Variants in NRXN2 observed in about 807,000 individuals in gnomAD.
NRXN2 encodes neurexin-2-beta.
Under a neutral mutation model 128.8 loss-of-function variants are expected in NRXN2, and 29 were observed. That is an observed-to-expected ratio of 0.23 (90% CI 0.17 to 0.31). The LOEUF is 0.31. Ranked by LOEUF, NRXN2 falls within the 10% of genes least tolerant of loss-of-function variation. The pLI, the probability that NRXN2 is intolerant of heterozygous loss-of-function variation, is 1.00. For missense variants in NRXN2, 1,881 were observed against 2,452.6 expected, an observed-to-expected ratio of 0.77 and a Z score of 4.92; for synonymous variants, 1,098 against 1,075.2, an observed-to-expected ratio of 1.02 and a Z score of -0.41.
In NRXN2 at chr11:64,651,527, C is replaced by T; in HGVS notation, c.2646G>A (p.Leu882=). Reference sequence around the variant, plus strand: ...GCTGGCCATTGAACACGAGCCCACTCAGATGCCCGATGAAGTTGGAGGGCA... The same window carrying T: ...GCTGGCCATTGAACACGAGCCCACTTAGATGCCCGATGAAGTTGGAGGGCA... ...SVVPSNFIGH[L]SGLVFNGQPY... Residue 882 remains leucine, a synonymous_variant, in exon 14 of 23, where the codon CTG becomes CTA. Coordinates refer to ENST00000265459, the MANE Select transcript of NRXN2 (RefSeq NM_015080.4). The surrounding 1 kb of genome is among the most constrained non-coding windows in gnomAD (Gnocchi z 5.9). 1 of 1,614,166 alleles carries T rather than the reference C, an allele frequency of 6.2e-7. No individual in the cohort carries two copies. Among genetic ancestry groups the T allele is most frequent in the Non-Finnish European group, 8.5e-7 (1 of 1,180,018 alleles).
At chr11:64,668,335 G>A in intron 8 of NRXN2, 108 bp downstream of exon 8, 1 of 1,415,684 alleles carries the variant, frequency 7.1e-7, no homozygotes, top group Admixed American at 1.8e-5. Flanking sequence ...CCATGGACTT[G>A]GAAGGAACAG....
intron 3 of NRXN2, among the ~76,000 whole-genome samples, chr11:64,695,328 G>T (rs1240207136): frequency 1.3e-5 from 2 of 152,134 alleles, no homozygotes; most frequent in African/African-American, 4.8e-5. Flanking sequence ...GGGTCTCTTT[G>T]CCCTGCCACT....
At chr11:64,704,127 G>C (rs748969536) in intron 2 of NRXN2, among the ~76,000 whole-genome samples, 2 of 152,130 alleles carry the variant, frequency 1.3e-5, no homozygotes, top group Non-Finnish European at 2.9e-5. Flanking sequence ...CAGGACCACA[G>C]GTACTGGATG....
intron 11 of NRXN2, among the ~76,000 whole-genome samples, chr11:64,655,532 C>T (rs2048139727): frequency 6.6e-6 from 1 of 151,802 alleles, no homozygotes; most frequent in South Asian, 2.1e-4. Context: ...AGAGTCTTCA[C>T]CAATGAAGGG....
At chr11:64,661,990 C>T (rs1429831819) in intron 9 of NRXN2, among the ~76,000 whole-genome samples, 1 of 151,926 alleles carries the variant, frequency 6.6e-6, no homozygotes, top group Middle Eastern at 3.4e-3. Flanking sequence ...TGGTGGTTCA[C>T]GCCTGTAATC....
At chr11:64,642,555 G>A (rs1389983996) in intron 17 of NRXN2, 1 of 1,610,190 alleles carries the variant, frequency 6.2e-7, no homozygotes, top group African/African-American at 1.3e-5. Context: ...CGCCGCGGGT[G>A]AGGAAGGGCA....
rs1421828683 is a variant in NRXN2 at position 64,660,987 on chromosome 11, G to A, written c.1951C>T (p.Arg651Trp). The A allele has an allele frequency of 8.1e-6, 13 of 1,613,672 alleles. No individual in the cohort carries two copies. Among genetic ancestry groups the A allele is most frequent in the South Asian group, 2.2e-5 (2 of 91,094 alleles). The change falls in exon 10 of 23, where the codon CGG (arginine) becomes TGG (tryptophan). Residue 651 changes from arginine (R) to tryptophan (W), a missense_variant. This residue lies in a region of NRXN2 where 997 missense variants were observed against 1,240.8 expected (regional missense o/e 0.80). Coordinates refer to ENST00000265459, the MANE Select transcript of NRXN2 (RefSeq NM_015080.4). The surrounding 1 kb of genome is among the most constrained non-coding windows in gnomAD (Gnocchi z 5.2). ...CGCACACAGCCCACGTAGCCTGCCC[G>A]GAGTGCTGCTGTCCACACCTCTGGG... ...LPPEVWTAAL[R>W]AGYVGCVRDL...
At chr11:64,665,290 AAAG>A (rs1320975687) in intron 9 of NRXN2, among the ~76,000 whole-genome samples, 1 of 147,022 alleles carries the variant, frequency 6.8e-6, no homozygotes, top group African/African-American at 2.7e-5. Context: ...AAAAAAAAAA[AAAG>A]AAAGAAAGAA....
chr11:64,681,220 T>C (rs556128077), intron 6 of NRXN2, among the ~76,000 whole-genome samples: 45 of 151,564 alleles, frequency 3.0e-4, no homozygotes, highest in African/African-American at 1.0e-3. Flanking sequence ...CTTTTGGACA[T>C]GGGTCCTCGT....
chr11:64,665,347 AAAGACTG>A (rs2049691996), intron 9 of NRXN2, among the ~76,000 whole-genome samples: 2 of 152,150 alleles, frequency 1.3e-5, no homozygotes, highest in Admixed American at 6.5e-5. Flanking sequence ...ACAGGAATCC[AAAGACTG>A]GCCACACCTG....
intron 5 of NRXN2, 129 bp downstream of exon 5, chr11:64,690,276 A>T: frequency 1.2e-6 from 1 of 818,892 alleles, no homozygotes; most frequent in Non-Finnish European, 2.0e-6. Context: ...GAGCAGACCC[A>T]TCACTTCCCA....
intron 2 of NRXN2, chr11:64,712,757 A>G: frequency 1.5e-6 from 1 of 677,442 alleles, no homozygotes; most frequent in Non-Finnish European, 2.8e-6. Context: ...ACCACGCCCA[A>G]GCCGGCCCCG....
intron 9 of NRXN2, among the ~76,000 whole-genome samples, chr11:64,666,204 ATTT>A (rs35403625): frequency 5.1e-5 from 7 of 137,164 alleles, no homozygotes; most frequent in Non-Finnish European, 4.7e-5. Context: ...GAGTGAGTTA[ATTT>A]TTTTTTTTTT....
intron 22 of NRXN2, among the ~76,000 whole-genome samples, chr11:64,615,829 CGTGTGTGTGTGT>C (rs34781745): frequency 3.6e-5 from 5 of 139,010 alleles, no homozygotes; most frequent in East Asian, 2.5e-4. Flanking sequence ...TAGGCCCAAG[CGTGTGTGTGTGT>C]GTGTGTGTGT....
intron 2 of NRXN2, among the ~76,000 whole-genome samples, chr11:64,703,902 A>G (rs1171236099): frequency 6.6e-6 from 1 of 152,230 alleles, no homozygotes; most frequent in Non-Finnish European, 1.5e-5. Flanking sequence ...AGGACGTTGA[A>G]GAACAATGTG....
Position 64,607,078 on chromosome 11 carries a change from A to C in NRXN2, c.*118T>G. 5 of 1,117,564 alleles carry C rather than the reference A, an allele frequency of 4.5e-6. No individual in the cohort carries two copies. Among genetic ancestry groups the C allele is most frequent in the Non-Finnish European group, 5.0e-6 (4 of 792,702 alleles). The allele number at this position is 1,117,564 out of a possible 1,614,324, so 69.2% of individuals were successfully genotyped here. A position where few individuals can be genotyped will look rare whatever the true frequency, so the allele number is the denominator to read the frequency against. On this transcript the variant is annotated 3_prime_UTR_variant, in exon 23 of 23. Transcript: ENST00000265459. ...TCTTTTTTTGCGTTTCCTCTTCGTA[A>C]GAGAAGCCTGAGGCAGCCAGGGAGA...
intron 22 of NRXN2, among the ~76,000 whole-genome samples, chr11:64,617,310 T>C (rs753572139): frequency 3.3e-5 from 5 of 152,158 alleles, no homozygotes; most frequent in Admixed American, 3.3e-4. Flanking sequence ...TCTGAGCCTG[T>C]GTGTGCTCTT....
intron 4 of NRXN2, among the ~76,000 whole-genome samples, chr11:64,691,007 C>T (rs927791353): frequency 6.6e-6 from 1 of 152,180 alleles, no homozygotes; most frequent in Non-Finnish European, 1.5e-5. Flanking sequence ...TCCCAAGCTC[C>T]TCTTCTGTTC....
chr11:64,618,027 C>G (rs942550569), intron 22 of NRXN2, among the ~76,000 whole-genome samples: 1 of 152,160 alleles, frequency 6.6e-6, no homozygotes, highest in Admixed American at 6.5e-5. Context: ...TCTAGACCTC[C>G]TCCACCCTTC....
Sources: gnomAD v4.1 joint callset for allele counts (sites outside exome capture counted in the v4.1 genomes callset) on GRCh38, gnomAD v4.1.1 for gene constraint, gnomAD v4.1.1 regional missense constraint, Gnocchi (gnomAD v3.1) non-coding constraint, MANE v1.5 for transcripts, NCBI Gene and HGNC (gene_info 2026-07-23, HGNC 2026-07-21) for gene names.